PCDHA1: variants seen among roughly 807,000 people sequenced by gnomAD.
The protein encoded by PCDHA1 is protocadherin alpha-1.
Under a neutral mutation model 61.3 loss-of-function variants are expected in PCDHA1, and 42 were observed. The observed-to-expected ratio is 0.69, with a 90% confidence interval of 0.54 to 0.89. The LOEUF (loss-of-function observed/expected upper bound fraction) is 0.89, where lower values mean the gene tolerates loss of function less well. Among genes scored for constraint, PCDHA1 ranks in the 40% least tolerant of loss-of-function variants. The pLI, the probability that PCDHA1 is intolerant of heterozygous loss-of-function variation, is 0.00. For missense variants in PCDHA1, 1,256 were observed against 1,235.3 expected (o/e 1.02, Z -0.25); for synonymous variants, 610 against 553.8 (o/e 1.10, Z -1.43).
chr5:140,903,448 G>T (rs188990837), intron 1 of PCDHA1, among the ~76,000 whole-genome samples: 2 of 152,278 alleles, frequency 1.3e-5, no homozygotes, highest in African/African-American at 2.4e-5. Context: ...GAATTCATCT[G>T]ATCAAACTTA....
Position 141,011,434 on chromosome 5 carries a change from C to A in PCDHA1, c.*1497C>A, listed in dbSNP as rs934032017. 6.5e-6 allele frequency: 1 copy of A among 153,726 alleles called. No homozygotes were observed. Among genetic ancestry groups the A allele is most frequent in the African/African-American group, 2.4e-5 (1 of 41,446 alleles). The allele number at this position is 153,726 out of a possible 1,614,324, so 9.5% of individuals were successfully genotyped here. The stretch of plus-strand genomic sequence containing the variant: ...ATGTGAATGTTAATGCAACTATTAC[C>A]TAGAGTGAACTTTAAGCTTTATTGT... On this transcript the variant is annotated 3_prime_UTR_variant, in exon 4 of 4. Transcript: ENST00000504120.
At chr5:140,797,517 A>C in intron 1 of PCDHA1, 1 of 832,786 alleles carries the variant, frequency 1.2e-6, no homozygotes, top group Non-Finnish European at 1.9e-6. Flanking sequence ...TTTACTGAAC[A>C]ATTTATTTAA....
At position 140,787,258 on chromosome 5, in the gene PCDHA1, T is replaced by C. The variant is rs1554117746; in HGVS notation, c.968T>C (p.Val323Ala). 6 of 1,614,182 alleles carry C rather than the reference T, an allele frequency of 3.7e-6. No homozygotes were observed. Among genetic ancestry groups the C allele is most frequent in the Non-Finnish European group, 5.1e-6 (6 of 1,180,032 alleles). Reference sequence around the variant, plus strand: ...TCCTACGAAATTCAAGTAAAGGCAGTTGATAAAGGAAGTCCTCCGATGTCA... The same window carrying C: ...TCCTACGAAATTCAAGTAAAGGCAGCTGATAAAGGAAGTCCTCCGATGTCA... ...TKSYEIQVKA[V>A]DKGSPPMSNH... Residue 323 changes from valine (V) to alanine (A), a missense_variant, in exon 1 of 4, where the codon GTT (valine) becomes GCT (alanine). Val to Ala is a moderately conservative substitution (Grantham distance 64). Coordinates refer to ENST00000504120, the MANE Select transcript of PCDHA1 (RefSeq NM_018900.4).
intron 1 of PCDHA1, chr5:140,807,460 C>T (rs1763939402): frequency 6.2e-7 from 1 of 1,608,638 alleles, no homozygotes; most frequent in Non-Finnish European, 8.5e-7. Flanking sequence ...CTCGGATCGA[C>T]CGGGAGGAGC....
In PCDHA1 at chr5:140,936,286, A is replaced by G. The variant is rs73266055; in HGVS notation, c.2395-42663A>G. Among the ~76,000 whole-genome samples the G allele has an allele frequency of 3.3e-3, 501 of 152,358 alleles. 2 individuals are homozygous for G. The highest frequency in any genetic ancestry group is 0.012 in the African/African-American group (482 of 41,580). On this transcript the variant is annotated intron_variant, in intron 1 of 3. Transcript: ENST00000504120. ...AAGATATATTCCTGTGTTTTCTTCT[A>G]TAACATTGCTATCCAATAGAACTTT...
At chr5:140,931,216 A>G (rs1347905969) in intron 1 of PCDHA1, among the ~76,000 whole-genome samples, 4 of 152,190 alleles carry the variant, frequency 2.6e-5, no homozygotes, top group African/African-American at 9.6e-5. Context: ...TTCAGGTATC[A>G]GAGCACTTAA....
At chr5:140,891,174 T>C (rs147745090) in intron 1 of PCDHA1, among the ~76,000 whole-genome samples, 2,208 of 152,320 alleles carry the variant, frequency 0.014, 24 homozygotes, top group Non-Finnish European at 0.022. Flanking sequence ...TTTTCAGATT[T>C]TCTGTGTGTC....
At chr5:140,870,773 A>C (rs1554164699) in intron 1 of PCDHA1, 1 of 1,613,598 alleles carries the variant, frequency 6.2e-7, no homozygotes, top group Admixed American at 1.7e-5. Context: ...GTGCTGGACG[A>C]GAACGACAAC....
chr5:140,857,234 C>T (rs781784109), intron 1 of PCDHA1: 2 of 1,598,590 alleles, frequency 1.3e-6, no homozygotes, highest in South Asian at 1.1e-5. Context: ...TCCGTTCAAG[C>T]TGGTGTCCAC....
intron 2 of PCDHA1, among the ~76,000 whole-genome samples, chr5:140,980,525 G>C (rs1554241939): frequency 6.6e-6 from 1 of 152,166 alleles, no homozygotes; most frequent in African/African-American, 2.4e-5. Context: ...AGCTACTAGG[G>C]AGGCTGAGGC....
intron 1 of PCDHA1, chr5:140,795,880 G>A (rs782136038): frequency 1.4e-5 from 22 of 1,613,780 alleles, no homozygotes; most frequent in African/African-American, 2.7e-5. Flanking sequence ...CAGAACTAAG[G>A]GAAAATTAGA....
rs1761399450 is a variant in PCDHA1, at chr5:140,787,757, G to C, written c.1467G>C (p.Leu489=). The part of the protein sequence containing the change: ...ARDADAQENA[L]VSYSLVERRV... ...ACGCGGACGCGCAGGAGAACGCGCT[G>C]GTGTCCTATTCGCTGGTGGAACGGC... The change falls in exon 1 of 4, where the codon CTG becomes CTC. Residue 489 remains leucine (L), a synonymous_variant. Transcript: ENST00000504120. 6.2e-7 allele frequency: 1 copy of C among 1,613,308 alleles called. No individual in the cohort carries two copies. The highest frequency in any genetic ancestry group is 8.5e-7 in the Non-Finnish European group (1 of 1,179,844).
intron 1 of PCDHA1, among the ~76,000 whole-genome samples, chr5:140,846,656 G>C (rs1291638062): frequency 6.7e-6 from 1 of 149,228 alleles, no homozygotes; most frequent in East Asian, 1.9e-4. Context: ...TTACAGGCAT[G>C]AGCCACCGCG....
chr5:140,858,024 C>A lies in PCDHA1; in HGVS notation c.2394+69340C>A, dbSNP rs782656168. On this transcript the variant is annotated intron_variant, in intron 1 of 3. Transcript: ENST00000504120. ...AAGGACCATGGCGAGCCGTCGCTGACGGCCACGGCCACTGTGCTTGTGTCG... is the reference window on the plus strand; with the variant it reads ...AAGGACCATGGCGAGCCGTCGCTGAAGGCCACGGCCACTGTGCTTGTGTCG... 1 of 1,596,584 alleles carries A rather than the reference C, an allele frequency of 6.3e-7. No individual in the cohort carries two copies. Among genetic ancestry groups the A allele is most frequent in the East Asian group, 2.2e-5 (1 of 44,824 alleles).
intron 1 of PCDHA1, among the ~76,000 whole-genome samples, chr5:140,874,989 A>G (rs1411320872): frequency 6.6e-6 from 1 of 152,218 alleles, no homozygotes; most frequent in Non-Finnish European, 1.5e-5. Context: ...ATTATTCTGT[A>G]TATCATTTTC....
intron 1 of PCDHA1, among the ~76,000 whole-genome samples, chr5:140,906,332 T>C (rs2072570393): frequency 6.6e-6 from 1 of 152,186 alleles, no homozygotes; most frequent in Non-Finnish European, 1.5e-5. Context: ...CAACTATCCT[T>C]CATACAACCA....
chr5:140,843,170 A>C lies in PCDHA1; in HGVS notation c.2394+54486A>C, dbSNP rs781918147. Reference sequence around the variant, plus strand: ...GTATGAGCTGCAGCCAGCTGCAAGCAGCCCTCGCATCCCGTTCCGCGTGGG... The same window carrying C: ...GTATGAGCTGCAGCCAGCTGCAAGCCGCCCTCGCATCCCGTTCCGCGTGGG... On this transcript the variant is annotated intron_variant, in intron 1 of 3. Coordinates refer to ENST00000504120, the MANE Select transcript of PCDHA1 (RefSeq NM_018900.4). 12 of 1,595,956 alleles carry C rather than the reference A, an allele frequency of 7.5e-6. 1 individual carries two copies. The highest frequency in any genetic ancestry group is 8.6e-6 in the Non-Finnish European group (10 of 1,165,596).
chr5:140,850,917 T>C, intron 1 of PCDHA1: 1 of 1,530,140 alleles, frequency 6.5e-7, no homozygotes. Flanking sequence ...TTTATTTATT[T>C]ATATAATTTT....
At chr5:140,914,079 A>G (rs2076595090) in intron 1 of PCDHA1, among the ~76,000 whole-genome samples, 1 of 152,164 alleles carries the variant, frequency 6.6e-6, no homozygotes, top group South Asian at 2.1e-4. Context: ...ATAACTATCT[A>G]TTAGGTCAAT....
Sources: allele counts gnomAD v4.1 joint callset (sites outside exome capture counted in the v4.1 genomes callset), GRCh38; gene constraint gnomAD v4.1.1; transcripts MANE v1.5; gene names NCBI Gene and HGNC (gene_info 2026-07-23, HGNC 2026-07-21).